Variants in SNX9 observed in about 807,000 individuals in gnomAD.
SNX9 encodes the protein sorting nexin 9.
SNX9 carries 44 observed loss-of-function variants against 89.4 expected under a neutral mutation model. The observed-to-expected ratio is 0.49, with a 90% CI of 0.39 to 0.63. The LOEUF (loss-of-function observed/expected upper bound fraction) is 0.63. Among genes scored for constraint, SNX9 ranks in the 30% least tolerant of loss-of-function variants. The probability of loss-of-function intolerance (pLI) is 0.00; values close to 1 mark genes in which losing one functional copy is unlikely to be tolerated. For missense variants in SNX9, 578 were observed against 736.1 expected (o/e 0.79, Z 2.49); for synonymous variants, 236 against 247.8 (o/e 0.95, Z 0.45).
intron 1 of SNX9, among the ~76,000 whole-genome samples, chr6:157,858,941 T>A (rs746143883): frequency 6.6e-6 from 1 of 152,182 alleles, no homozygotes; most frequent in Non-Finnish European, 1.5e-5. Flanking sequence ...TTATTACAAT[T>A]CAGGGTGAGA....
chr6:157,899,892 A>AGTGTGTGTGTGT (rs112378365), intron 5 of SNX9, among the ~76,000 whole-genome samples: 235 of 151,802 alleles, frequency 1.5e-3, no homozygotes, highest in African/African-American at 4.5e-3. Flanking sequence ...TGATTACCTA[A>AGTGTGTGTGTGT]GTGTGTGTGT....
chr6:157,916,824 A>G (rs1334017676), intron 9 of SNX9, among the ~76,000 whole-genome samples: 2 of 152,156 alleles, frequency 1.3e-5, no homozygotes, highest in African/African-American at 2.4e-5. Context: ...TAAATTTGCT[A>G]ATAATATCTG....
chr6:157,865,046 A>G (rs971469315), intron 1 of SNX9, among the ~76,000 whole-genome samples: 3 of 149,678 alleles, frequency 2.0e-5, no homozygotes, highest in Admixed American at 6.7e-5. Flanking sequence ...AAACAAAAAC[A>G]AAAACTACCG....
At chr6:157,833,782 T>C (rs576753724) in intron 1 of SNX9, among the ~76,000 whole-genome samples, 1 of 152,294 alleles carries the variant, frequency 6.6e-6, no homozygotes, top group South Asian at 2.1e-4. Flanking sequence ...AGTTGAATAA[T>C]ATGATTTTAC....
Position 157,823,886 on chromosome 6 carries a change from GGGGCGGGTGGGGGTC to G in SNX9, c.12+442_12+456del, listed in dbSNP as rs557248701. 4.3e-4 allele frequency among the ~76,000 whole-genome samples: 65 copies of G among 152,134 alleles called. 1 individual carries two copies. The South Asian group carries it at 0.013, about 31-fold the overall frequency. On this transcript the variant is annotated intron_variant, in intron 1 of 17. Transcript: ENST00000392185. The surrounding 1 kb of genome is among the most constrained non-coding windows in gnomAD (Gnocchi z 4.6). ...CCGCCTGGGGGACCCTCGCCCCCGC[GGGGCGGGTGGGGGTC>G]GAGACCTCGGCGGAGAGGACGCGGC...
In SNX9 at chr6:157,928,630, A is replaced by C. The variant is rs1340879699; in HGVS notation, c.1216A>C (p.Thr406Pro). ...EQKCEAVGKF[T>P]KAMDDGVKEL... The stretch of plus-strand genomic sequence containing the variant: ...GAAGTGCGAGGCTGTGGGGAAGTTC[A>C]CCAAGGCCATGGATGACGGCGTGAA... The change falls in exon 12 of 18, where the codon ACC (threonine) becomes CCC (proline). Residue 406 changes from threonine (T) to proline (P), a missense_variant. By Grantham distance (38) the Thr-to-Pro change is conservative. Coordinates refer to ENST00000392185, the MANE Select transcript of SNX9 (RefSeq NM_016224.5). 1 of 1,611,262 alleles carries C rather than the reference A, an allele frequency of 6.2e-7. No homozygotes were observed. The highest frequency in any genetic ancestry group is 2.2e-5 in the East Asian group (1 of 44,644).
intron 7 of SNX9, among the ~76,000 whole-genome samples, chr6:157,909,207 A>G (rs1232310001): frequency 6.6e-6 from 1 of 152,276 alleles, no homozygotes; most frequent in Non-Finnish European, 1.5e-5. Flanking sequence ...ACCGTGAGAT[A>G]GGTACAGTAC....
At chr6:157,852,835 A>G (rs934268250) in intron 1 of SNX9, among the ~76,000 whole-genome samples, 13 of 152,002 alleles carry the variant, frequency 8.6e-5, no homozygotes, top group African/African-American at 2.7e-4. Flanking sequence ...CGGCCTCCAA[A>G]ATGCTGGGGT....
chr6:157,893,237 T>A (rs754706265), intron 4 of SNX9, among the ~76,000 whole-genome samples: 4 of 152,104 alleles, frequency 2.6e-5, no homozygotes, highest in Non-Finnish European at 4.4e-5. Flanking sequence ...TCCACTGGGG[T>A]CATCTGAGAG....
chr6:157,840,725 A>G (rs1164750849), intron 1 of SNX9, among the ~76,000 whole-genome samples: 4 of 152,216 alleles, frequency 2.6e-5, no homozygotes, highest in African/African-American at 9.6e-5. Flanking sequence ...ATCCTTCTCT[A>G]TATGAGGAAT....
chr6:157,861,244 T>C (rs777110847), intron 1 of SNX9, among the ~76,000 whole-genome samples: 1 of 152,202 alleles, frequency 6.6e-6, no homozygotes, highest in Non-Finnish European at 1.5e-5. Context: ...TTTGAATGGA[T>C]TATTAAAGAA....
intron 13 of SNX9, among the ~76,000 whole-genome samples, chr6:157,935,171 T>C (rs1229152063): frequency 6.6e-6 from 1 of 152,230 alleles, no homozygotes; most frequent in African/African-American, 2.4e-5. Context: ...GTTCAAACTC[T>C]ACCTCTGGGT....
At chr6:157,827,467 T>A (rs376717053) in intron 1 of SNX9, among the ~76,000 whole-genome samples, 68 of 3,914 alleles carry the variant, frequency 0.017, no homozygotes, top group Non-Finnish European at 0.022. Flanking sequence ...ATATATAAAC[T>A]TATAGTTTAT....
At chr6:157,928,798 A>G in intron 12 of SNX9, 96 bp downstream of exon 12, 2 of 939,612 alleles carry the variant, frequency 2.1e-6, no homozygotes, top group Non-Finnish European at 3.0e-6. Context: ...TGCCTCGAAC[A>G]GAAGTGTATT....
At chr6:157,904,651 A>G (rs1783173441) in intron 6 of SNX9, among the ~76,000 whole-genome samples, 1 of 152,138 alleles carries the variant, frequency 6.6e-6, no homozygotes, top group South Asian at 2.1e-4. Flanking sequence ...TGGAGGTTAC[A>G]GTGAGCCGAG....
At chr6:157,928,814 G>A (rs1254287826) in intron 12 of SNX9, 112 bp downstream of exon 12, 5 of 777,062 alleles carry the variant, frequency 6.4e-6, no homozygotes, top group Non-Finnish European at 9.6e-6. Context: ...GTATTTGGTG[G>A]ACGGCAGTAA....
intron 4 of SNX9, among the ~76,000 whole-genome samples, chr6:157,876,157 T>G (rs1782515195): frequency 6.7e-6 from 1 of 149,628 alleles, no homozygotes; most frequent in South Asian, 2.1e-4. Context: ...TTATAAAATA[T>G]CTGTTTATTA....
intron 2 of SNX9, 156 bp from the exon 3 acceptor site, chr6:157,872,946 G>C: frequency 2.0e-6 from 1 of 493,862 alleles, no homozygotes; most frequent in Non-Finnish European, 3.5e-6. Context: ...TAAAGAGAAG[G>C]CTTAAGAATT....
At chr6:157,895,506 C>T (rs372983146) in intron 4 of SNX9, among the ~76,000 whole-genome samples, 7 of 151,948 alleles carry the variant, frequency 4.6e-5, no homozygotes, top group African/African-American at 1.5e-4. Flanking sequence ...AAATGAACAT[C>T]AGCATATACT....
Sources: allele counts gnomAD v4.1 joint callset (sites outside exome capture counted in the v4.1 genomes callset), GRCh38; gene constraint gnomAD v4.1.1; non-coding constraint Gnocchi (gnomAD v3.1); transcripts MANE v1.5; gene names NCBI Gene and HGNC (gene_info 2026-07-23, HGNC 2026-07-21).